Variants in ITGB5 observed in about 807,000 individuals in gnomAD.
The protein encoded by ITGB5 is integrin subunit beta 5, also known as integrin beta-5.
ITGB5 carries 38 observed loss-of-function variants against 84.8 expected under a neutral mutation model. The observed-to-expected ratio is 0.45, with a 90% CI of 0.35 to 0.59. The LOEUF (loss-of-function observed/expected upper bound fraction) is 0.59. ITGB5 is among the 20% of genes least tolerant of loss of function. The pLI, the probability that ITGB5 is intolerant of heterozygous loss-of-function variation, is 0.01. For missense variants in ITGB5, 905 were observed against 1,034.5 expected (o/e 0.87, Z 1.72); for synonymous variants, 393 against 414.4 (o/e 0.95, Z 0.63).
intron 4 of ITGB5, among the ~76,000 whole-genome samples, chr3:124,844,261 T>C (rs2065048671): frequency 7.1e-6 from 1 of 140,270 alleles, no homozygotes; most frequent in Non-Finnish European, 1.6e-5. Context: ...ATGAATGGAC[T>C]TAAAAGAATA....
chr3:124,896,763 AG>A (rs1224179121), intron 1 of ITGB5, among the ~76,000 whole-genome samples: 1 of 145,032 alleles, frequency 6.9e-6, no homozygotes, highest in Admixed American at 6.9e-5. Context: ...AAAAAAAAAA[AG>A]GGAGAAGAAG....
At position 124,767,471 on chromosome 3, in the gene ITGB5, G is replaced by A. The variant is rs78132503; in HGVS notation, c.2018-1126C>T. On this transcript the variant is annotated intron_variant, in intron 12 of 14. Transcript: ENST00000296181. ...TCTCTGCTGCTCTCTCAGAGGACTGGGTTGGGAAGCAGCTGTGCATGAACG... is the reference window on the plus strand; with the variant it reads ...TCTCTGCTGCTCTCTCAGAGGACTGAGTTGGGAAGCAGCTGTGCATGAACG... Among the ~76,000 whole-genome samples, 18 of 152,312 alleles carry A rather than the reference G, an allele frequency of 1.2e-4. No individual in the cohort carries two copies. The East Asian group carries it at 3.3e-3, about 28-fold the overall frequency.
intron 9 of ITGB5, among the ~76,000 whole-genome samples, chr3:124,806,093 C>T (rs1162271111): frequency 6.6e-6 from 1 of 152,200 alleles, no homozygotes; most frequent in African/African-American, 2.4e-5. Context: ...GCATTATCAA[C>T]ACTCTCAGAA....
rs59333761 is a variant in ITGB5, at chr3:124,811,934, C to A, written c.1129-2778G>T. On this transcript the variant is annotated intron_variant, in intron 8 of 14. Coordinates refer to ENST00000296181, the MANE Select transcript of ITGB5 (RefSeq NM_002213.5). ...TAATCCCCACACCTGATATGCACTTCTTTCTTTGGAAATTGGCTCTCTGTC... is the reference window on the plus strand; with the variant it reads ...TAATCCCCACACCTGATATGCACTTATTTCTTTGGAAATTGGCTCTCTGTC... Among the ~76,000 whole-genome samples the A allele has an allele frequency of 2.8e-3, 430 of 152,232 alleles. 2 individuals are homozygous for A. The highest frequency in any genetic ancestry group is 0.01 in the African/African-American group (416 of 41,534).
chr3:124,771,774 G>A (rs1023512190), intron 11 of ITGB5, among the ~76,000 whole-genome samples: 3 of 142,150 alleles, frequency 2.1e-5, no homozygotes, highest in Non-Finnish European at 3.0e-5. Context: ...AAAAGGAATC[G>A]TGATATTCCC....
chr3:124,779,076 ATC>A (rs1201186255), intron 10 of ITGB5, among the ~76,000 whole-genome samples: 1 of 152,092 alleles, frequency 6.6e-6, no homozygotes, highest in East Asian at 1.9e-4. Flanking sequence ...CTTCCAAGTG[ATC>A]TCTGACACAT....
At chr3:124,819,480 A>C (rs1024141462) in intron 7 of ITGB5, among the ~76,000 whole-genome samples, 3 of 151,888 alleles carry the variant, frequency 2.0e-5, no homozygotes, top group Admixed American at 2.0e-4. Flanking sequence ...TTTCCAATTC[A>C]TCACCCAAAA....
intron 2 of ITGB5, among the ~76,000 whole-genome samples, chr3:124,861,885 C>A (rs1433304229): frequency 6.6e-6 from 1 of 152,178 alleles, no homozygotes; most frequent in Non-Finnish European, 1.5e-5. Flanking sequence ...AAAAGCAGAA[C>A]TTTCTAAATG....
rs559116933 is a variant in ITGB5 at position 124,807,867 on chromosome 3, G to A, written c.1263+1155C>T. ...TGAGGCAGGAGAATGGCGTGAACCCGGGAGGCAGAGCTTGCAGTGAGCCGA... is the reference window on the plus strand; with the variant it reads ...TGAGGCAGGAGAATGGCGTGAACCCAGGAGGCAGAGCTTGCAGTGAGCCGA... On this transcript the variant is annotated intron_variant, in intron 9 of 14. Coordinates refer to ENST00000296181, the MANE Select transcript of ITGB5 (RefSeq NM_002213.5). Among the ~76,000 whole-genome samples the A allele has an allele frequency of 2.4e-4, 35 of 147,232 alleles. 1 individual carries two copies. The highest frequency in any genetic ancestry group is 6.2e-4 in the Admixed American group (9 of 14,598).
At position 124,796,821 on chromosome 3, in the gene ITGB5, G is replaced by A. The variant is rs1415005673; in HGVS notation, c.1264-4C>T. 2 of 1,592,036 alleles carry A rather than the reference G, an allele frequency of 1.3e-6. No individual in the cohort carries two copies. The highest frequency in any genetic ancestry group is 1.7e-6 in the Non-Finnish European group (2 of 1,166,546). ...CCAATGATACTTCAAAAGATGCCTG[G>A]GCAGAAGGAAGAGAAGGGATATCAT... On this transcript the variant is annotated splice_polypyrimidine_tract_variant and splice_region_variant and intron_variant, in intron 9 of 14. Transcript: ENST00000296181.
chr3:124,825,402 T>C (rs1048346160), intron 5 of ITGB5, among the ~76,000 whole-genome samples: 3 of 152,194 alleles, frequency 2.0e-5, no homozygotes, highest in South Asian at 2.1e-4. Context: ...TATGCAAGTA[T>C]TTATAAAAAT....
At chr3:124,815,971 G>A (rs1579241610) in intron 8 of ITGB5, among the ~76,000 whole-genome samples, 1 of 152,214 alleles carries the variant, frequency 6.6e-6, no homozygotes, top group Non-Finnish European at 1.5e-5. Flanking sequence ...AAGGGCCAGA[G>A]AACAGAAAAG....
intron 13 of ITGB5, among the ~76,000 whole-genome samples, chr3:124,764,987 G>A (rs562149445): frequency 2.6e-5 from 4 of 152,326 alleles, no homozygotes; most frequent in Non-Finnish European, 4.4e-5. Flanking sequence ...AGCCTTTAGC[G>A]TGGTGTCCCT....
chr3:124,859,650 G>A (rs1034349734), intron 2 of ITGB5, among the ~76,000 whole-genome samples: 2 of 152,206 alleles, frequency 1.3e-5, no homozygotes, highest in Non-Finnish European at 2.9e-5. Context: ...GGACATGACA[G>A]CATTTTGTAA....
At chr3:124,880,165 G>A (rs1934505720) in intron 1 of ITGB5, among the ~76,000 whole-genome samples, 1 of 152,150 alleles carries the variant, frequency 6.6e-6, no homozygotes, top group Admixed American at 6.5e-5. Flanking sequence ...GGAAAAGACT[G>A]AGAAACTGTC....
chr3:124,832,221 G>A (rs1284125929), intron 5 of ITGB5, among the ~76,000 whole-genome samples: 1 of 152,136 alleles, frequency 6.6e-6, no homozygotes, highest in Admixed American at 6.5e-5. Flanking sequence ...CTGGGACTGT[G>A]CTCTCTTTGG....
chr3:124,787,890 T>G (rs1014543928), intron 10 of ITGB5: 3 of 151,166 alleles, frequency 2.0e-5, no homozygotes, highest in Non-Finnish European at 4.4e-5. Flanking sequence ...ACTTGAGTAG[T>G]GGCTAGAAAC....
chr3:124,877,541 T>A (rs1292288348), intron 1 of ITGB5, among the ~76,000 whole-genome samples: 1 of 152,230 alleles, frequency 6.6e-6, no homozygotes, highest in Non-Finnish European at 1.5e-5. Context: ...CATGAGATTA[T>A]AGCACCTTGG....
chr3:124,843,027 C>T (rs1008712203), intron 4 of ITGB5, among the ~76,000 whole-genome samples: 6 of 152,190 alleles, frequency 3.9e-5, no homozygotes, highest in African/African-American at 1.2e-4. Context: ...GATGGGATCT[C>T]CCTGCCTGGC....
Sources: allele counts gnomAD v4.1 joint callset (sites outside exome capture counted in the v4.1 genomes callset), GRCh38; gene constraint gnomAD v4.1.1; transcripts MANE v1.5; gene names NCBI Gene and HGNC (gene_info 2026-07-23, HGNC 2026-07-21).